PCSK5: variants seen among roughly 807,000 people sequenced by gnomAD.
The protein encoded by PCSK5 is proprotein convertase subtilisin/kexin type 5, also known as prohormone convertase 5.
PCSK5 carries 129 observed loss-of-function variants against 233.2 expected under a neutral mutation model. The observed-to-expected ratio is 0.55, with a 90% CI of 0.48 to 0.64. The LOEUF (loss-of-function observed/expected upper bound fraction) is 0.64. Ranked by LOEUF, PCSK5 falls within the 30% of genes least tolerant of loss-of-function variation. The probability of loss-of-function intolerance (pLI) is 0.00; values close to 1 mark genes in which losing one functional copy is unlikely to be tolerated. For missense variants in PCSK5, 2,076 were observed against 2,430.1 expected (o/e 0.85, Z 3.06); for synonymous variants, 825 against 879.2 (o/e 0.94, Z 1.09).
intron 20 of PCSK5, among the ~76,000 whole-genome samples, chr9:76,218,541 C>A (rs955638435): frequency 2.0e-5 from 3 of 150,278 alleles, no homozygotes; most frequent in Admixed American, 1.3e-4. Flanking sequence ...AACTACCCTA[C>A]ATTATTATCT....
chr9:76,278,479 G>A (rs1030979970), intron 24 of PCSK5, among the ~76,000 whole-genome samples: 2 of 151,788 alleles, frequency 1.3e-5, no homozygotes, highest in African/African-American at 4.8e-5. Context: ...GGAGGATGCT[G>A]TTTTCAAATA....
chr9:76,050,437 T>C (rs1476200680), intron 5 of PCSK5, among the ~76,000 whole-genome samples: 1 of 152,240 alleles, frequency 6.6e-6, no homozygotes, highest in African/African-American at 2.4e-5. Context: ...ATAGATCTTT[T>C]CTAGTCTCTT....
intron 1 of PCSK5, among the ~76,000 whole-genome samples, chr9:75,919,593 T>A (rs1228535147): frequency 1.3e-5 from 2 of 152,362 alleles, no homozygotes; most frequent in East Asian, 3.9e-4. Context: ...CAGCATCATT[T>A]GATATTGCCA....
intron 1 of PCSK5, among the ~76,000 whole-genome samples, chr9:75,901,072 CAG>C (rs1239181328): frequency 1.3e-5 from 2 of 152,076 alleles, no homozygotes; most frequent in African/African-American, 4.8e-5. Flanking sequence ...AGTGGCGAGT[CAG>C]AGGAATTCCG....
chr9:75,957,626 G>A (rs932936541), intron 2 of PCSK5, among the ~76,000 whole-genome samples: 2 of 152,142 alleles, frequency 1.3e-5, no homozygotes, highest in African/African-American at 2.4e-5. Context: ...AGTAGGATCC[G>A]GCTGTCTCCT....
chr9:76,292,203 T>G (rs1307188210), intron 24 of PCSK5, 30 bp from the exon 25 acceptor site: 4 of 1,328,258 alleles, frequency 3.0e-6, no homozygotes, highest in Non-Finnish European at 4.3e-6. Context: ...TTCCTCATGA[T>G]TATTACTTTT....
intron 20 of PCSK5, among the ~76,000 whole-genome samples, chr9:76,203,900 T>A (rs1287025908): frequency 6.6e-6 from 1 of 152,158 alleles, no homozygotes; most frequent in Non-Finnish European, 1.5e-5. Flanking sequence ...CCTGGCTCTG[T>A]CATTTACTAG....
intron 7 of PCSK5, among the ~76,000 whole-genome samples, chr9:76,078,058 T>G (rs1830700503): frequency 6.6e-6 from 1 of 152,222 alleles, no homozygotes; most frequent in Non-Finnish European, 1.5e-5. Flanking sequence ...GGAAAATTTT[T>G]TCATATTTGT....
At chr9:76,054,122 T>C (rs977852246) in intron 5 of PCSK5, among the ~76,000 whole-genome samples, 5 of 152,002 alleles carry the variant, frequency 3.3e-5, no homozygotes, top group Non-Finnish European at 7.4e-5. Context: ...AGACTTACTA[T>C]CACAAGAACT....
At chr9:76,246,845 C>G (rs1156732599) in intron 24 of PCSK5, among the ~76,000 whole-genome samples, 1 of 152,210 alleles carries the variant, frequency 6.6e-6, no homozygotes, top group African/African-American at 2.4e-5. Context: ...GCTACTATTA[C>G]CAGGGGTCCT....
chr9:75,938,537 G>C (rs998542819), intron 2 of PCSK5, among the ~76,000 whole-genome samples: 1 of 152,222 alleles, frequency 6.6e-6, no homozygotes, highest in African/African-American at 2.4e-5. Flanking sequence ...AGCACACGCT[G>C]TTGGAAAAAT....
intron 5 of PCSK5, among the ~76,000 whole-genome samples, chr9:76,045,328 G>A (rs746780970): frequency 9.2e-5 from 14 of 152,188 alleles, no homozygotes; most frequent in Non-Finnish European, 1.9e-4. Flanking sequence ...TTTTAAAACA[G>A]TGATTATTTC....
intron 8 of PCSK5, among the ~76,000 whole-genome samples, chr9:76,102,068 G>T (rs1831781347): frequency 6.6e-6 from 1 of 152,192 alleles, no homozygotes; most frequent in African/African-American, 2.4e-5. Context: ...CTTCTGAAAA[G>T]GTCTCATTTT....
At position 76,199,938 on chromosome 9, in the gene PCSK5, T is replaced by TCTCC. The variant is rs1824854289; in HGVS notation, c.2626+10194_2626+10197dup. 2.6e-5 allele frequency among the ~76,000 whole-genome samples: 4 copies of TCTCC among 152,038 alleles called. No homozygotes were observed. In the South Asian group the frequency reaches 8.3e-4, roughly 32 times the overall value. On this transcript the variant is annotated intron_variant, in intron 20 of 37. Coordinates refer to ENST00000674117, the MANE Select transcript of PCSK5 (RefSeq NM_001372043.1). ...CCCTGACCATCTTTACCACCAAATC[T>TCTCC]CTCCCACCTCAGTAAATGGCATTCA... is the stretch of plus-strand genomic sequence containing the variant.
intron 5 of PCSK5, among the ~76,000 whole-genome samples, chr9:76,036,744 C>T (rs527367891): frequency 4.6e-5 from 7 of 152,314 alleles, no homozygotes; most frequent in African/African-American, 1.7e-4. Flanking sequence ...CACTGAATGG[C>T]GGAATCGGAA....
chr9:76,351,427 C>CT (rs1045828765), intron 36 of PCSK5, among the ~76,000 whole-genome samples: 1 of 106,752 alleles, frequency 9.4e-6, no homozygotes. Flanking sequence ...AAACCGCCCC[C>CT]CCCTGCAATG....
chr9:75,924,640 T>C (rs1429325574), intron 1 of PCSK5, among the ~76,000 whole-genome samples: 1 of 152,158 alleles, frequency 6.6e-6, no homozygotes, highest in Non-Finnish European at 1.5e-5. Flanking sequence ...AGCTCTCTCT[T>C]ACTCTTGGAG....
intron 17 of PCSK5, among the ~76,000 whole-genome samples, chr9:76,185,847 T>G (rs1401416336): frequency 1.3e-5 from 2 of 152,190 alleles, no homozygotes; most frequent in Non-Finnish European, 2.9e-5. Flanking sequence ...TAATCCCTGT[T>G]TTGCTGGATT....
chr9:76,195,311 T>A (rs1391928687), intron 20 of PCSK5: 1 of 152,198 alleles, frequency 6.6e-6, no homozygotes, highest in African/African-American at 2.4e-5. Context: ...CAAAGAAATC[T>A]ATTTAACTGA....
Sources: allele counts gnomAD v4.1 joint callset (sites outside exome capture counted in the v4.1 genomes callset), GRCh38; gene constraint gnomAD v4.1.1; transcripts MANE v1.5; gene names NCBI Gene and HGNC (gene_info 2026-07-23, HGNC 2026-07-21).